MLIP: variants seen among roughly 807,000 people sequenced by gnomAD.
MLIP encodes the protein muscular LMNA-interacting protein.
Under a neutral mutation model 84.8 loss-of-function variants are expected in MLIP, and 79 were observed. That is an observed-to-expected ratio of 0.93 (90% CI 0.78 to 1.12). The LOEUF (loss-of-function observed/expected upper bound fraction) is 1.12. MLIP is among the 50% of genes most tolerant of loss of function. The pLI, the probability that MLIP is intolerant of heterozygous loss-of-function variation, is 0.00. For missense variants in MLIP, 1,257 were observed against 1,160.6 expected (o/e 1.08, Z -1.21); for synonymous variants, 504 against 463.0 (o/e 1.09, Z -1.14).
At chr6:54,177,228 C>A (rs1359882514) in intron 9 of MLIP, among the ~76,000 whole-genome samples, 1 of 151,978 alleles carries the variant, frequency 6.6e-6, no homozygotes, top group Non-Finnish European at 1.5e-5. Flanking sequence ...TTTTGCACAG[C>A]AAAATAAATT....
intron 1 of MLIP, among the ~76,000 whole-genome samples, chr6:54,081,516 T>C (rs574188796): frequency 3.9e-5 from 6 of 152,304 alleles, no homozygotes; most frequent in African/African-American, 1.4e-4. Flanking sequence ...CAAGCGATTC[T>C]CCTGCCTCAG....
intron 1 of MLIP, among the ~76,000 whole-genome samples, chr6:54,044,800 G>A (rs1400671320): frequency 6.6e-6 from 1 of 152,080 alleles, no homozygotes; most frequent in Non-Finnish European, 1.5e-5. Flanking sequence ...GCCGATCAAT[G>A]GAAAGGACAG....
intron 10 of MLIP, among the ~76,000 whole-genome samples, chr6:54,198,715 AT>A (rs1302603058): frequency 6.6e-6 from 1 of 152,172 alleles, no homozygotes; most frequent in Non-Finnish European, 1.5e-5. Context: ...TATTAACAAC[AT>A]TGCAAAAACT....
intron 9 of MLIP, among the ~76,000 whole-genome samples, chr6:54,179,433 C>T (rs1776630494): frequency 6.6e-6 from 1 of 151,878 alleles, no homozygotes; most frequent in African/African-American, 2.4e-5. Flanking sequence ...TACCCCTGCC[C>T]TTTTGTTATT....
In MLIP at chr6:54,121,610, T is replaced by C; in HGVS notation, c.252+8T>C. ...CCAGAAACTGTAAATAGGGTAGGAT[T>C]ATTTTTATTCTTTTTTAATTTCAAA... is the stretch of plus-strand genomic sequence containing the variant. On this transcript the variant is annotated splice_region_variant and intron_variant, in intron 2 of 13. Transcript: ENST00000502396. 6.4e-7 allele frequency: 1 copy of C among 1,554,188 alleles called. No homozygotes were observed. Among genetic ancestry groups the C allele is most frequent in the Non-Finnish European group, 8.7e-7 (1 of 1,150,476 alleles).
At chr6:54,078,349 G>A (rs1766928809) in intron 1 of MLIP, among the ~76,000 whole-genome samples, 2 of 152,194 alleles carry the variant, frequency 1.3e-5, no homozygotes, top group Admixed American at 1.3e-4. Flanking sequence ...CCCGCACTTT[G>A]GGAGGCTGAG....
chr6:54,218,025 ATGGTCTG>A, intron 11 of MLIP: 1 of 984,886 alleles, frequency 1.0e-6, no homozygotes. Context: ...GTCACAAACT[ATGGTCTG>A]TGGGCCAAAC....
chr6:54,213,956 A>G lies in MLIP; in HGVS notation c.2718+11723A>G, dbSNP rs186231923. On this transcript the variant is annotated intron_variant, in intron 11 of 13. Transcript: ENST00000502396. Reference sequence around the variant, plus strand: ...AAAGATATGGTACTTTGACTACCTGACTGCCATAGAAATCAAGAAGAGCAT... The same window carrying G: ...AAAGATATGGTACTTTGACTACCTGGCTGCCATAGAAATCAAGAAGAGCAT... Among the ~76,000 whole-genome samples, 551 of 152,198 alleles carry G rather than the reference A, an allele frequency of 3.6e-3. 5 individuals are homozygous for G. Among genetic ancestry groups the G allele is most frequent in the African/African-American group, 0.013 (527 of 41,528 alleles).
At chr6:54,239,765 T>G (rs1781609003) in intron 12 of MLIP, among the ~76,000 whole-genome samples, 1 of 151,724 alleles carries the variant, frequency 6.6e-6, no homozygotes. Flanking sequence ...CCAGTCTGGG[T>G]GACAGAGCAA....
chr6:54,040,059 G>A (rs1259177835), intron 1 of MLIP, among the ~76,000 whole-genome samples: 1 of 151,996 alleles, frequency 6.6e-6, no homozygotes, highest in African/African-American at 2.4e-5. Context: ...TATAGAGGTT[G>A]AGATATTGTC....
In MLIP at chr6:54,234,274, T is replaced by G. The variant is rs192622732; in HGVS notation, c.2922+3357T>G. Among the ~76,000 whole-genome samples the G allele has an allele frequency of 5.9e-5, 9 of 152,312 alleles. No individual in the cohort carries two copies. In the East Asian group the frequency reaches 1.5e-3, roughly 26 times the overall value. On this transcript the variant is annotated intron_variant, in intron 12 of 13. Coordinates refer to ENST00000502396, the MANE Select transcript of MLIP (RefSeq NM_001281747.2). ...GCCTCTGAATGCCTCCGTTTACTCATTTTTAAAATGAGAATAATAATAGTA... is the reference window on the plus strand; with the variant it reads ...GCCTCTGAATGCCTCCGTTTACTCAGTTTTAAAATGAGAATAATAATAGTA...
chr6:54,121,732 A>G (rs1770473518), intron 2 of MLIP, 130 bp downstream of exon 2: 1 of 683,644 alleles, frequency 1.5e-6, no homozygotes, highest in Admixed American at 3.3e-5. Context: ...GACTAAAAAT[A>G]TAATAATGCA....
intron 12 of MLIP, among the ~76,000 whole-genome samples, chr6:54,233,514 CT>C (rs1444432025): frequency 6.6e-6 from 1 of 152,100 alleles, no homozygotes; most frequent in African/African-American, 2.4e-5. Flanking sequence ...GAACTCATCC[CT>C]TTTTATGACT....
At chr6:54,025,141 G>A (rs1581976429) in intron 1 of MLIP, among the ~76,000 whole-genome samples, 1 of 151,982 alleles carries the variant, frequency 6.6e-6, no homozygotes, top group East Asian at 1.9e-4. Context: ...GAGCCGTTGC[G>A]CCCGGCCTGT....
In MLIP at chr6:54,125,997, G is replaced by A. The variant is rs550556606; in HGVS notation, c.645+1132G>A. Among the ~76,000 whole-genome samples, 6 of 151,272 alleles carry A rather than the reference G, an allele frequency of 4.0e-5. No homozygotes were observed. In the South Asian group the frequency reaches 6.3e-4, roughly 16 times the overall value. On this transcript the variant is annotated intron_variant, in intron 3 of 13. Coordinates refer to ENST00000502396, the MANE Select transcript of MLIP (RefSeq NM_001281747.2). ...TCTGGTAGTAAAAGACACACACTGC[G>A]GTACTCACATTTTTACTGGGCTAAA...
chr6:54,177,554 G>A (rs1562020573), intron 9 of MLIP, among the ~76,000 whole-genome samples: 1 of 152,294 alleles, frequency 6.6e-6, no homozygotes, highest in East Asian at 1.9e-4. Context: ...ACAGATGCTG[G>A]TGAGGCTGTG....
intron 11 of MLIP, among the ~76,000 whole-genome samples, chr6:54,224,785 C>T (rs1340723770): frequency 6.6e-6 from 1 of 151,924 alleles, no homozygotes; most frequent in Non-Finnish European, 1.5e-5. Flanking sequence ...ATTCTTAGGC[C>T]TTTGCATCCT....
chr6:54,165,607 C>T (rs1473857796), intron 8 of MLIP, among the ~76,000 whole-genome samples: 3 of 151,700 alleles, frequency 2.0e-5, no homozygotes, highest in Non-Finnish European at 4.4e-5. Flanking sequence ...AATGTTTGGC[C>T]GTTAAAAGGA....
chr6:54,112,944 A>G (rs1338134491), intron 1 of MLIP, among the ~76,000 whole-genome samples: 3 of 152,178 alleles, frequency 2.0e-5, no homozygotes, highest in Non-Finnish European at 4.4e-5. Flanking sequence ...CATGTGACAT[A>G]CCAGTTGTGG....
Sources: allele counts gnomAD v4.1 joint callset (sites outside exome capture counted in the v4.1 genomes callset), GRCh38; gene constraint gnomAD v4.1.1; transcripts MANE v1.5; gene names NCBI Gene and HGNC (gene_info 2026-07-23, HGNC 2026-07-21).